The following U2AF2 variants were observed in gnomAD, a reference collection of about 807,000 sequenced individuals.
U2AF2 encodes U2 small nuclear RNA auxiliary factor 2.
A neutral mutation model predicts 52.6 loss-of-function variants in U2AF2; 6 were observed. That is an observed-to-expected ratio of 0.11 (90% CI 0.06 to 0.23). U2AF2 has a LOEUF of 0.23. U2AF2 is among the 10% of genes least tolerant of loss of function. U2AF2 has a pLI of 1.00. For synonymous variants in U2AF2, 284 were observed against 258.2 expected (o/e 1.10, Z -0.96); for missense variants, 222 against 677.1 (o/e 0.33, Z 7.46).
intron 7 of U2AF2, 154 bp downstream of exon 7, chr19:55,663,898 G>A: frequency 1.7e-6 from 2 of 1,150,844 alleles, no homozygotes; most frequent in Non-Finnish European, 2.4e-6. Flanking sequence ...CTCTGTGAGT[G>A]GGGTGCTCTC....
At position 55,668,461 on chromosome 19, in the gene U2AF2, G is replaced by T. The variant is rs765864042; in HGVS notation, c.743-46G>T. 4 of 1,516,320 alleles carry T rather than the reference G, an allele frequency of 2.6e-6. No homozygotes were observed. Among genetic ancestry groups the T allele is most frequent in the Non-Finnish European group, 3.6e-6 (4 of 1,120,280 alleles). The allele number at this position is 1,516,320 out of a possible 1,614,324, so 93.9% of individuals were successfully genotyped here. A position where few individuals can be genotyped will look rare whatever the true frequency, so the allele number is the denominator to read the frequency against. ...GCCGTAGACTGTCCAGGTTTTGGGA[G>T]ATAACCTGGTACTGGAATTGAAGTC... On this transcript the variant is annotated intron_variant, in intron 7 of 11. Transcript: ENST00000308924. This position sits in a 1 kb window ranked among gnomAD's most constrained non-coding sequence, Gnocchi z 5.5.
Position 55,663,680 on chromosome 19 carries a change from C to T in U2AF2, c.678C>T (p.Ile226=), listed in dbSNP as rs576912690. ...GIIFQGQSLK[I]RRPHDYQPLP... is the part of the protein sequence containing the mutation. Reference sequence around the variant, plus strand: ...TCTTCCAGGGCCAGTCACTAAAGATCCGCAGGCCTCACGACTACCAGCCGC... The same window carrying T: ...TCTTCCAGGGCCAGTCACTAAAGATTCGCAGGCCTCACGACTACCAGCCGC... The change falls in exon 7 of 12, where the codon ATC becomes ATT. Residue 226 remains isoleucine (I), a synonymous_variant. Coordinates refer to ENST00000308924, the MANE Select transcript of U2AF2 (RefSeq NM_007279.3). The T allele has an allele frequency of 1.9e-5, 31 of 1,614,184 alleles. 1 individual carries two copies. In the South Asian group the frequency reaches 2.9e-4, roughly 15 times the overall value.
rs542400293 is a variant in U2AF2 at position 55,662,869 on chromosome 19, C to T, written c.603+251C>T. Among the ~76,000 whole-genome samples, 13 of 152,196 alleles carry T rather than the reference C, an allele frequency of 8.5e-5. No individual in the cohort carries two copies. The South Asian group carries it at 2.7e-3, about 32-fold the overall frequency. On this transcript the variant is annotated intron_variant, in intron 6 of 11. Transcript: ENST00000308924. ...TAGACCTCTTTGGCCTTTTCCAGACCATTCCGGCCCAGTCCTCTCTGCACT... is the reference window on the plus strand; with the variant it reads ...TAGACCTCTTTGGCCTTTTCCAGACTATTCCGGCCCAGTCCTCTCTGCACT...
At chr19:55,660,963 T>G in intron 4 of U2AF2, 75 bp from the exon 5 acceptor site, 2 of 1,501,492 alleles carry the variant, frequency 1.3e-6, no homozygotes, top group Admixed American at 2.2e-5. Flanking sequence ...GGAGGGGAAC[T>G]CCCAGTGTGT....
Position 55,668,400 on chromosome 19 carries a change from A to C in U2AF2, c.743-107A>C, listed in dbSNP as rs1253990360. ...GTGGCGACCCCTCCCTCGTCAGATC[A>C]GGCAGGAAGTGTTCTCTTTGGCAAT... is the stretch of plus-strand genomic sequence containing the variant. On this transcript the variant is annotated intron_variant, in intron 7 of 11. Coordinates refer to ENST00000308924, the MANE Select transcript of U2AF2 (RefSeq NM_007279.3). This position sits in a 1 kb window ranked among gnomAD's most constrained non-coding sequence, Gnocchi z 5.5. 10 of 1,126,588 alleles carry C rather than the reference A, an allele frequency of 8.9e-6. No homozygotes were observed. Among genetic ancestry groups the C allele is most frequent in the Admixed American group, 5.7e-5 (2 of 35,260 alleles). 69.8% of individuals were successfully genotyped at this position (1,126,588 alleles called of 1,614,324 possible).
intron 11 of U2AF2, among the ~76,000 whole-genome samples, chr19:55,672,966 G>C (rs1340644259): frequency 2.9e-5 from 4 of 139,934 alleles, no homozygotes; most frequent in Non-Finnish European, 6.1e-5. Flanking sequence ...TTTTTGAGAC[G>C]GAGCCTCACT....
At chr19:55,672,215 G>A (rs1035293684) in intron 11 of U2AF2, 2 of 151,798 alleles carry the variant, frequency 1.3e-5, no homozygotes, top group South Asian at 2.1e-4. Flanking sequence ...TTAAAAGTAG[G>A]GACTATGATA....
At chr19:55,662,744 C>A in intron 6 of U2AF2, 126 bp downstream of exon 6, 1 of 796,244 alleles carries the variant, frequency 1.3e-6, no homozygotes. Context: ...CTTCTCCACC[C>A]GGTCGCTGAA....
chr19:55,661,207 C>A lies in U2AF2; in HGVS notation c.486+18C>A. ...TCACTGAGGTACTGCCCTCCCCTGC[C>A]CCCTACCCTCTCCCTTGTCCCTCTA... On this transcript the variant is annotated intron_variant, in intron 5 of 11. Transcript: ENST00000308924. The A allele has an allele frequency of 1.9e-6, 3 of 1,571,356 alleles. No homozygotes were observed. Among genetic ancestry groups the A allele is most frequent in the Non-Finnish European group, 2.6e-6 (3 of 1,155,764 alleles).
At chr19:55,672,605 A>G (rs1031945353) in intron 11 of U2AF2, among the ~76,000 whole-genome samples, 1 of 151,926 alleles carries the variant, frequency 6.6e-6, no homozygotes, top group African/African-American at 2.4e-5. Context: ...CCAGTTGACA[A>G]CCACTGCTCT....
intron 11 of U2AF2, chr19:55,670,549 C>CGTGCACCCTGCTGTCG (rs1984846518): frequency 3.1e-6 from 1 of 322,866 alleles, no homozygotes; most frequent in Non-Finnish European, 6.0e-6. Context: ...CCCTGCTGTC[C>CGTGCACCCTGCTGTCG]GTGCAGCTGT....
intron 4 of U2AF2, 87 bp from the exon 5 acceptor site, chr19:55,660,951 G>C: frequency 1.3e-6 from 2 of 1,493,824 alleles, no homozygotes; most frequent in Admixed American, 4.5e-5. Context: ...GCTTTCTGCT[G>C]AGGAGGGGAA....
chr19:55,660,693 C>T (rs1038562879), intron 4 of U2AF2, 74 bp downstream of exon 4: 64 of 1,401,574 alleles, frequency 4.6e-5, no homozygotes, highest in Admixed American at 3.9e-4. Context: ...CATTCCCCTG[C>T]GTGTGTGCTT....
chr19:55,664,071 G>A, intron 7 of U2AF2: 1 of 284,382 alleles, frequency 3.5e-6, no homozygotes, highest in East Asian at 7.9e-5. Flanking sequence ...GACCTTGGAG[G>A]GCTCAGTCTG....
intron 11 of U2AF2, among the ~76,000 whole-genome samples, chr19:55,672,644 T>C (rs1432999459): frequency 6.6e-6 from 1 of 152,124 alleles, no homozygotes; most frequent in East Asian, 1.9e-4. Flanking sequence ...AATTGTTTTG[T>C]TTTTTTAACA....
intron 1 of U2AF2, among the ~76,000 whole-genome samples, chr19:55,655,415 G>T (rs911018339): frequency 6.6e-6 from 1 of 152,222 alleles, no homozygotes; most frequent in Non-Finnish European, 1.5e-5. Context: ...CCTGGCGGAG[G>T]TGGCGCGGGG....
intron 5 of U2AF2, 76 bp from the exon 6 acceptor site, chr19:55,662,426 T>A: frequency 2.0e-6 from 1 of 490,678 alleles, no homozygotes; most frequent in Non-Finnish European, 3.0e-6. Flanking sequence ...CCTCTGTGTC[T>A]CCCTCTCTCA....
chr19:55,668,596 C>T lies in U2AF2; in HGVS notation c.822+10C>T. ...CCTGAACGATGACCAGGTAACTTCC[C>T]TGCCTCCCTCCAGACCCGTCCCCCC... On this transcript the variant is annotated intron_variant, in intron 8 of 11. Coordinates refer to ENST00000308924, the MANE Select transcript of U2AF2 (RefSeq NM_007279.3). The surrounding 1 kb of genome is among the most constrained non-coding windows in gnomAD (Gnocchi z 5.5). The T allele has an allele frequency of 1.9e-6, 3 of 1,605,014 alleles. No individual in the cohort carries two copies. Among genetic ancestry groups the T allele is most frequent in the Non-Finnish European group, 1.7e-6 (2 of 1,174,656 alleles).
chr19:55,655,093 G>C lies in U2AF2; in HGVS notation c.-12G>C. 2.5e-6 allele frequency: 4 copies of C among 1,605,880 alleles called. No homozygotes were observed. The highest frequency in any genetic ancestry group is 3.4e-6 in the Non-Finnish European group (4 of 1,177,228). Reference sequence around the variant, plus strand: ...GCGAAAGCTGCACAGGGCCCTACGCGGCCGCCTCAGCATGTCGGACTTCGA... The same window carrying C: ...GCGAAAGCTGCACAGGGCCCTACGCCGCCGCCTCAGCATGTCGGACTTCGA... On this transcript the variant is annotated 5_prime_UTR_variant, in exon 1 of 12. Coordinates refer to ENST00000308924, the MANE Select transcript of U2AF2 (RefSeq NM_007279.3).
Sources: gnomAD v4.1 joint callset for allele counts (sites outside exome capture counted in the v4.1 genomes callset) on GRCh38, gnomAD v4.1.1 for gene constraint, Gnocchi (gnomAD v3.1) non-coding constraint, MANE v1.5 for transcripts, NCBI Gene and HGNC (gene_info 2026-07-23, HGNC 2026-07-21) for gene names.